EML4: variants seen among roughly 807,000 people sequenced by gnomAD.
EML4 encodes echinoderm microtubule-associated protein-like 4.
EML4 carries 72 observed loss-of-function variants against 129.0 expected under a neutral mutation model. The observed-to-expected ratio is 0.56, with a 90% CI of 0.46 to 0.68. EML4 has a LOEUF of 0.68. Among genes scored for constraint, EML4 ranks in the 30% least tolerant of loss-of-function variants. EML4 has a pLI of 0.00. For synonymous variants in EML4, 532 were observed against 405.0 expected (o/e 1.31, Z -3.77); for missense variants, 1,363 against 1,190.6 (o/e 1.14, Z -2.13).
At chr2:42,286,949 A>G (rs1329780994) in intron 10 of EML4, among the ~76,000 whole-genome samples, 8 of 152,222 alleles carry the variant, frequency 5.3e-5, no homozygotes, top group Non-Finnish European at 1.2e-4. Context: ...AGGGTAAAAT[A>G]AGACAAGATC....
At chr2:42,314,341 G>A (rs1204756814) in intron 17 of EML4, among the ~76,000 whole-genome samples, 1 of 151,958 alleles carries the variant, frequency 6.6e-6, no homozygotes, top group African/African-American at 2.4e-5. Context: ...CCTGGGGGAT[G>A]AAAGCAAGCT....
Position 42,303,397 on chromosome 2 carries a change from G to C in EML4, c.1850G>C (p.Cys617Ser). The C allele has an allele frequency of 6.2e-7, 1 of 1,614,134 alleles. No individual in the cohort carries two copies. Among genetic ancestry groups the C allele is most frequent in the South Asian group, 1.1e-5 (1 of 91,074 alleles). The stretch of plus-strand genomic sequence containing the variant: ...ACATGTGCTCAGGACAGGCAGGTGT[G>C]CCTGTGGAACTCAATGGAACACAGG... ...LLTCAQDRQV[C>S]LWNSMEHRLE... Residue 617 changes from cysteine (C) to serine (S), a missense_variant, in exon 16 of 23, where the codon TGC becomes TCC. Cys to Ser is a moderately radical substitution (Grantham distance 112). Transcript: ENST00000318522.
chr2:42,220,106 C>G (rs1293614287), intron 1 of EML4, among the ~76,000 whole-genome samples: 1 of 151,960 alleles, frequency 6.6e-6, no homozygotes, highest in African/African-American at 2.4e-5. Flanking sequence ...CAGCAAAATT[C>G]TCAAAAAATT....
chr2:42,191,351 T>C (rs1323416617), intron 1 of EML4, among the ~76,000 whole-genome samples: 1 of 152,196 alleles, frequency 6.6e-6, no homozygotes, highest in South Asian at 2.1e-4. Flanking sequence ...GCAGTGGTCA[T>C]GGCTACCGGT....
chr2:42,230,000 A>G (rs1184823600), intron 1 of EML4, among the ~76,000 whole-genome samples: 2 of 152,132 alleles, frequency 1.3e-5, no homozygotes, highest in East Asian at 1.9e-4. Context: ...GATCTTTTCT[A>G]TCATGCAATT....
At chr2:42,206,870 C>G (rs953042651) in intron 1 of EML4, among the ~76,000 whole-genome samples, 4 of 152,152 alleles carry the variant, frequency 2.6e-5, no homozygotes, top group Non-Finnish European at 4.4e-5. Context: ...TCTGACCTTA[C>G]CATTTGTTGA....
intron 3 of EML4, among the ~76,000 whole-genome samples, chr2:42,257,593 T>C (rs1676239575): frequency 6.6e-6 from 1 of 152,124 alleles, no homozygotes; most frequent in African/African-American, 2.4e-5. Flanking sequence ...CCCAGCACTT[T>C]GGGAGGCTGA....
At chr2:42,217,168 T>C (rs1469297032) in intron 1 of EML4, among the ~76,000 whole-genome samples, 1 of 152,234 alleles carries the variant, frequency 6.6e-6, no homozygotes, top group Non-Finnish European at 1.5e-5. Context: ...GGTGTCAAGC[T>C]CAAGAGCTAT....
At chr2:42,213,577 A>G (rs975368135) in intron 1 of EML4, among the ~76,000 whole-genome samples, 2 of 152,216 alleles carry the variant, frequency 1.3e-5, no homozygotes, top group Admixed American at 6.5e-5. Context: ...TTTATGTACT[A>G]TTTACATAAG....
intron 1 of EML4, among the ~76,000 whole-genome samples, chr2:42,172,592 G>T (rs2103785803): frequency 6.6e-6 from 1 of 152,096 alleles, no homozygotes; most frequent in Non-Finnish European, 1.5e-5. Context: ...TTTCCCTTAG[G>T]TATTATTAAT....
chr2:42,238,340 A>G (rs1018014905), intron 1 of EML4, among the ~76,000 whole-genome samples: 7 of 152,240 alleles, frequency 4.6e-5, no homozygotes, highest in Non-Finnish European at 7.3e-5. Flanking sequence ...TAGTTATTCA[A>G]TGTACCATAA....
At chr2:42,328,745 A>T (rs1284616496) in intron 21 of EML4, 141 bp from the exon 22 acceptor site, 2 of 658,852 alleles carry the variant, frequency 3.0e-6, no homozygotes, top group Non-Finnish European at 4.6e-6. Flanking sequence ...CCACTGAGAA[A>T]TTTGTAAAGG....
chr2:42,309,204 G>A (rs1398582401), intron 17 of EML4, among the ~76,000 whole-genome samples: 1 of 151,794 alleles, frequency 6.6e-6, no homozygotes. Flanking sequence ...CTAGGAGTTT[G>A]AGACCAACCT....
intron 1 of EML4, among the ~76,000 whole-genome samples, chr2:42,206,152 C>T (rs1197658289): frequency 1.3e-5 from 2 of 152,154 alleles, no homozygotes; most frequent in Non-Finnish European, 2.9e-5. Flanking sequence ...AAATTTGTTC[C>T]ATATAGCATT....
At chr2:42,274,404 C>T (rs1369453132) in intron 6 of EML4, among the ~76,000 whole-genome samples, 1 of 152,178 alleles carries the variant, frequency 6.6e-6, no homozygotes, top group African/African-American at 2.4e-5. Context: ...CAGTCCAAAT[C>T]CCCGAAGTTC....
intron 1 of EML4, among the ~76,000 whole-genome samples, chr2:42,180,360 T>G (rs985555078): frequency 1.3e-5 from 2 of 152,188 alleles, no homozygotes; most frequent in Admixed American, 6.5e-5. Flanking sequence ...TTTGAGTGTT[T>G]TAAAAATAGG....
At chr2:42,302,024 G>A (rs1390561568) in intron 14 of EML4, among the ~76,000 whole-genome samples, 1 of 151,978 alleles carries the variant, frequency 6.6e-6, no homozygotes, top group Non-Finnish European at 1.5e-5. Context: ...ACTTGATAAA[G>A]TGGGATTTAT....
chr2:42,223,333 A>C (rs1343581849), intron 1 of EML4, among the ~76,000 whole-genome samples: 1 of 152,154 alleles, frequency 6.6e-6, no homozygotes, highest in African/African-American at 2.4e-5. Flanking sequence ...CAAATGTCCT[A>C]ACTTCCTAGC....
chr2:42,217,305 A>T (rs1360046600), intron 1 of EML4, among the ~76,000 whole-genome samples: 1 of 152,180 alleles, frequency 6.6e-6, no homozygotes, highest in Non-Finnish European at 1.5e-5. Context: ...TACTTAACCC[A>T]TCAAGGCAGT....
Sources: gnomAD v4.1 joint callset for allele counts (sites outside exome capture counted in the v4.1 genomes callset) on GRCh38, gnomAD v4.1.1 for gene constraint, MANE v1.5 for transcripts, NCBI Gene and HGNC (gene_info 2026-07-23, HGNC 2026-07-21) for gene names.